Variants in LRMDA observed in about 807,000 individuals in gnomAD.
LRMDA encodes leucine-rich melanocyte differentiation-associated protein.
LRMDA carries 18 observed loss-of-function variants against 29.8 expected under a neutral mutation model. That is an observed-to-expected ratio of 0.60 (90% CI 0.42 to 0.90). The LOEUF (loss-of-function observed/expected upper bound fraction) is 0.90. Ranked by LOEUF, LRMDA falls within the 40% of genes least tolerant of loss-of-function variation. The pLI is 0.00. For synonymous variants in LRMDA, 125 were observed against 109.4 expected (o/e 1.14, Z -0.89); for missense variants, 273 against 273.9 (o/e 1.00, Z 0.02).
intron 6 of LRMDA, among the ~76,000 whole-genome samples, chr10:76,360,543 G>A (rs1289582215): frequency 6.6e-6 from 1 of 152,202 alleles, no homozygotes; most frequent in Non-Finnish European, 1.5e-5. Flanking sequence ...AAGCACAGAA[G>A]TCATGAACAT....
intron 5 of LRMDA, among the ~76,000 whole-genome samples, chr10:76,295,733 C>T (rs531212440): frequency 6.6e-6 from 1 of 152,290 alleles, no homozygotes; most frequent in African/African-American, 2.4e-5. Flanking sequence ...CTATCTCTGC[C>T]CCACCTCCTC....
At chr10:75,905,236 CTTTTTTT>C (rs200409197) in intron 2 of LRMDA, among the ~76,000 whole-genome samples, 4 of 132,998 alleles carry the variant, frequency 3.0e-5, no homozygotes, top group African/African-American at 1.1e-4. Context: ...TCTCCTGCCT[CTTTTTTT>C]TTTTTTTTTT....
At chr10:76,381,277 T>A (rs1841589097) in intron 6 of LRMDA, among the ~76,000 whole-genome samples, 1 of 152,180 alleles carries the variant, frequency 6.6e-6, no homozygotes, top group Non-Finnish European at 1.5e-5. Flanking sequence ...CATTTAGGAC[T>A]CTTTTTAAAG....
At chr10:75,508,990 A>G (rs1845197574) in intron 2 of LRMDA, among the ~76,000 whole-genome samples, 1 of 152,218 alleles carries the variant, frequency 6.6e-6, no homozygotes, top group Non-Finnish European at 1.5e-5. Flanking sequence ...ATTACAGATA[A>G]CAAAGTGCAC....
At chr10:76,446,565 A>G (rs1366698864) in intron 6 of LRMDA, among the ~76,000 whole-genome samples, 2 of 152,074 alleles carry the variant, frequency 1.3e-5, no homozygotes, top group Non-Finnish European at 2.9e-5. Flanking sequence ...AACCATGTTT[A>G]TGTGTTTCTC....
At chr10:75,710,804 A>G (rs549753850) in intron 2 of LRMDA, among the ~76,000 whole-genome samples, 1 of 152,370 alleles carries the variant, frequency 6.6e-6, no homozygotes, top group South Asian at 2.1e-4. Flanking sequence ...CTGTGGGTGA[A>G]TCTGCCTGGC....
chr10:76,407,982 A>G (rs1347176466), intron 6 of LRMDA, among the ~76,000 whole-genome samples: 2 of 152,220 alleles, frequency 1.3e-5, no homozygotes, highest in Non-Finnish European at 2.9e-5. Context: ...CTGCCATATT[A>G]CAGATGAGAG....
chr10:75,556,396 A>C (rs962976179), intron 2 of LRMDA, among the ~76,000 whole-genome samples: 82 of 152,326 alleles, frequency 5.4e-4, no homozygotes, highest in African/African-American at 1.9e-3. Flanking sequence ...TGAATCTAGA[A>C]TTCTCTATCC....
chr10:76,524,756 A>T (rs539597459), intron 6 of LRMDA, among the ~76,000 whole-genome samples: 2 of 152,184 alleles, frequency 1.3e-5, no homozygotes, highest in African/African-American at 2.4e-5. Flanking sequence ...CAGGGTAGCT[A>T]AAAGAGAAAG....
chr10:75,705,121 C>T (rs897837910), intron 2 of LRMDA, among the ~76,000 whole-genome samples: 12 of 152,130 alleles, frequency 7.9e-5, no homozygotes, highest in African/African-American at 2.7e-4. Context: ...AAGCATTTAG[C>T]GTGGAACGAG....
chr10:75,931,447 C>CAT (rs755440173), intron 2 of LRMDA, among the ~76,000 whole-genome samples: 9 of 152,142 alleles, frequency 5.9e-5, no homozygotes, highest in Non-Finnish European at 1.0e-4. Flanking sequence ...TGTCTGTAGC[C>CAT]TCATGAAGAC....
intron 5 of LRMDA, among the ~76,000 whole-genome samples, chr10:76,247,702 T>C (rs764555019): frequency 3.3e-5 from 5 of 152,122 alleles, no homozygotes; most frequent in Non-Finnish European, 7.4e-5. Context: ...TCTACCCACC[T>C]CTTGAATGGG....
chr10:76,439,865 A>G (rs1415055621), intron 6 of LRMDA, among the ~76,000 whole-genome samples: 2 of 152,216 alleles, frequency 1.3e-5, no homozygotes, highest in Non-Finnish European at 2.9e-5. Flanking sequence ...AGTCAGCATC[A>G]TGTCTTCTGA....
intron 6 of LRMDA, among the ~76,000 whole-genome samples, chr10:76,555,109 C>A (rs1843539979): frequency 6.6e-6 from 1 of 152,014 alleles, no homozygotes; most frequent in Non-Finnish European, 1.5e-5. Flanking sequence ...GGATACCTGG[C>A]AGAACTGAGG....
chr10:75,603,765 G>A (rs1387342199), intron 2 of LRMDA, among the ~76,000 whole-genome samples: 1 of 152,198 alleles, frequency 6.6e-6, no homozygotes, highest in Non-Finnish European at 1.5e-5. Context: ...GCCTGGTCAA[G>A]GAGGCAATTC....
intron 2 of LRMDA, among the ~76,000 whole-genome samples, chr10:75,911,273 G>A (rs1000084224): frequency 1.3e-5 from 2 of 152,014 alleles, no homozygotes; most frequent in Admixed American, 6.5e-5. Flanking sequence ...GCTGGGCCCC[G>A]AGGCTATTTC....
intron 2 of LRMDA, among the ~76,000 whole-genome samples, chr10:75,457,309 C>T (rs776132412): frequency 5.3e-5 from 8 of 152,166 alleles, no homozygotes; most frequent in Non-Finnish European, 1.2e-4. Context: ...ATCTGGCAAA[C>T]TAGTATAGGT....
intron 5 of LRMDA, among the ~76,000 whole-genome samples, chr10:76,204,639 G>A (rs1851501638): frequency 6.6e-6 from 1 of 152,032 alleles, no homozygotes; most frequent in African/African-American, 2.4e-5. Context: ...GTAGGTCCAG[G>A]GCTCTTTCCC....
At chr10:75,455,297 GAT>G (rs1483489764) in intron 2 of LRMDA, among the ~76,000 whole-genome samples, 1 of 152,178 alleles carries the variant, frequency 6.6e-6, no homozygotes, top group Admixed American at 6.5e-5. Flanking sequence ...GTTTATTGTA[GAT>G]ACATAGGTAT....
Sources: gnomAD v4.1 joint callset for allele counts (sites outside exome capture counted in the v4.1 genomes callset) on GRCh38, gnomAD v4.1.1 for gene constraint, MANE v1.5 for transcripts, NCBI Gene and HGNC (gene_info 2026-07-23, HGNC 2026-07-21) for gene names.